Variants in SFMBT2 observed in about 807,000 individuals in gnomAD.
SFMBT2 encodes the protein scm-like with four MBT domains protein 2.
SFMBT2 carries 38 observed loss-of-function variants against 110.1 expected under a neutral mutation model. The observed-to-expected ratio is 0.35, with a 90% CI of 0.27 to 0.45. The LOEUF is 0.45. SFMBT2 is among the 20% of genes least tolerant of loss of function. The pLI is 1.00. For missense variants in SFMBT2, 1,011 were observed against 1,094.9 expected, an observed-to-expected ratio of 0.92 and a Z score of 1.08; for synonymous variants, 425 against 425.4, an observed-to-expected ratio of 1.00 and a Z score of 0.01.
At chr10:7,201,387 C>T (rs531277553) in intron 13 of SFMBT2, among the ~76,000 whole-genome samples, 4 of 152,290 alleles carry the variant, frequency 2.6e-5, no homozygotes, top group South Asian at 2.1e-4. Context: ...CGTTAATCCA[C>T]GGGCTGTGCA....
chr10:7,342,403 T>C (rs1331383917), intron 4 of SFMBT2, among the ~76,000 whole-genome samples: 2 of 75,404 alleles, frequency 2.7e-5, no homozygotes, highest in African/African-American at 7.4e-5. Context: ...AGTCTTTTTT[T>C]TTTTTTTTTT....
chr10:7,210,947 A>G (rs550398860), intron 11 of SFMBT2, among the ~76,000 whole-genome samples: 1 of 152,168 alleles, frequency 6.6e-6, no homozygotes, highest in African/African-American at 2.4e-5. Flanking sequence ...GAGAGAGGAG[A>G]GAGACCCACA....
intron 4 of SFMBT2, among the ~76,000 whole-genome samples, chr10:7,357,159 A>G (rs967877935): frequency 1.3e-5 from 2 of 152,204 alleles, no homozygotes; most frequent in African/African-American, 4.8e-5. Flanking sequence ...TCCAGAAGGC[A>G]TTAAGATGAC....
intron 7 of SFMBT2, among the ~76,000 whole-genome samples, chr10:7,264,682 T>A (rs533776438): frequency 2.0e-5 from 3 of 152,156 alleles, no homozygotes; most frequent in African/African-American, 7.2e-5. Flanking sequence ...CAGCCGCACC[T>A]CACCCGTCAG....
At chr10:7,177,104 G>A (rs1476780781) in intron 16 of SFMBT2, among the ~76,000 whole-genome samples, 1 of 152,052 alleles carries the variant, frequency 6.6e-6, no homozygotes, top group African/African-American at 2.4e-5. Flanking sequence ...CCATGGCTTC[G>A]GTTGCTTTCT....
intron 1 of SFMBT2, among the ~76,000 whole-genome samples, chr10:7,398,902 C>G (rs1845995349): frequency 6.6e-6 from 1 of 152,126 alleles, no homozygotes; most frequent in African/African-American, 2.4e-5. Context: ...AAGAAACTTA[C>G]AAGGAAGGCT....
Position 7,291,368 on chromosome 10 carries a change from C to T in SFMBT2, c.437-5414G>A, listed in dbSNP as rs188533820. Among the ~76,000 whole-genome samples, 155 of 152,346 alleles carry T rather than the reference C, an allele frequency of 1.0e-3. 5 individuals carry two copies. Among genetic ancestry groups the T allele is most frequent in the Admixed American group, 1.0e-2 (153 of 15,312 alleles). On this transcript the variant is annotated intron_variant, in intron 4 of 20. Transcript: ENST00000397167. The stretch of plus-strand genomic sequence containing the variant: ...TTTCTGAACTTACTTCCAATCAATG[C>T]TTCTTTGAATTCATTCCATGGGTCA...
intron 5 of SFMBT2, chr10:7,285,143 G>A (rs1842051059): frequency 6.6e-6 from 1 of 152,082 alleles, no homozygotes; most frequent in Non-Finnish European, 1.5e-5. Context: ...CCTTTTTAGG[G>A]GCATTCTTAA....
intron 8 of SFMBT2, among the ~76,000 whole-genome samples, chr10:7,246,863 T>C (rs1036526145): frequency 6.6e-6 from 1 of 152,176 alleles, no homozygotes; most frequent in Admixed American, 6.5e-5. Flanking sequence ...GCAGCCGGCA[T>C]GACTGCAGCA....
intron 4 of SFMBT2, among the ~76,000 whole-genome samples, chr10:7,329,184 G>C (rs1426561229): frequency 6.6e-6 from 1 of 152,178 alleles, no homozygotes; most frequent in African/African-American, 2.4e-5. Flanking sequence ...GAAATGTCAT[G>C]GCTGAGGCTA....
In SFMBT2 at chr10:7,381,818, T is replaced by C. The variant is rs781308559; in HGVS notation, c.81A>G (p.Gly27=). ...TCCTACCAGAATCAAGGTCTCCATT[T>C]CCATTAGCTGAGCCGAGACACTTTT... The part of the protein sequence containing the change: ...PLEKCLGSAN[G]NGDLDSEEGS... Residue 27 remains glycine, a synonymous_variant, in exon 2 of 21, where the codon GGA becomes GGG. Coordinates refer to ENST00000397167, the MANE Select transcript of SFMBT2 (RefSeq NM_001387889.1). The C allele has an allele frequency of 1.9e-6, 3 of 1,613,462 alleles. No homozygotes were observed. In the Admixed American group the frequency reaches 5.0e-5, roughly 27 times the overall value.
chr10:7,355,030 C>T (rs1274167468), intron 4 of SFMBT2, among the ~76,000 whole-genome samples: 1 of 152,184 alleles, frequency 6.6e-6, no homozygotes. Context: ...TAGATTTTCA[C>T]ATAATTTATG....
At chr10:7,306,264 A>AC (rs1842691964) in intron 4 of SFMBT2, among the ~76,000 whole-genome samples, 4 of 152,100 alleles carry the variant, frequency 2.6e-5, no homozygotes, top group Admixed American at 2.6e-4. Context: ...AACTCCACCC[A>AC]CCCCCGGCAC....
chr10:7,365,380 T>C (rs1844859545), intron 4 of SFMBT2, among the ~76,000 whole-genome samples: 1 of 152,250 alleles, frequency 6.6e-6, no homozygotes, highest in Admixed American at 6.5e-5. Context: ...GATGACCATG[T>C]AAGCCGCACT....
At chr10:7,349,910 C>T (rs1172518108) in intron 4 of SFMBT2, among the ~76,000 whole-genome samples, 2 of 152,116 alleles carry the variant, frequency 1.3e-5, no homozygotes, top group African/African-American at 4.8e-5. Flanking sequence ...AAAAATCTTC[C>T]AGTGTCTAGG....
intron 1 of SFMBT2, among the ~76,000 whole-genome samples, chr10:7,407,449 C>G (rs1331850324): frequency 2.0e-5 from 3 of 152,086 alleles, no homozygotes; most frequent in East Asian, 1.9e-4. Context: ...GGGTCGGCCT[C>G]GTCTAAATTG....
At chr10:7,385,208 A>C (rs1588500823) in intron 1 of SFMBT2, among the ~76,000 whole-genome samples, 1 of 152,192 alleles carries the variant, frequency 6.6e-6, no homozygotes, top group Non-Finnish European at 1.5e-5. Context: ...ACAAAGGGTA[A>C]GATATGCACC....
At chr10:7,309,356 G>A (rs1842784577) in intron 4 of SFMBT2, among the ~76,000 whole-genome samples, 1 of 152,234 alleles carries the variant, frequency 6.6e-6, no homozygotes, top group African/African-American at 2.4e-5. Context: ...TCATCAGCCA[G>A]GTACACATTG....
chr10:7,317,675 T>C (rs1843059181), intron 4 of SFMBT2, among the ~76,000 whole-genome samples: 1 of 144,332 alleles, frequency 6.9e-6, no homozygotes, highest in Non-Finnish European at 1.5e-5. Flanking sequence ...ATCAGCAATA[T>C]CATAGCTTCT....
Sources: gnomAD v4.1 joint callset for allele counts (sites outside exome capture counted in the v4.1 genomes callset) on GRCh38, gnomAD v4.1.1 for gene constraint, MANE v1.5 for transcripts, NCBI Gene and HGNC (gene_info 2026-07-23, HGNC 2026-07-21) for gene names.